Variants in KCNN3 observed in about 807,000 individuals in gnomAD.
The protein encoded by KCNN3 is small conductance calcium-activated potassium channel protein 3.
Under a neutral mutation model 62.9 loss-of-function variants are expected in KCNN3, and 16 were observed. The observed-to-expected ratio is 0.25, with a 90% CI of 0.17 to 0.39. KCNN3 has a LOEUF of 0.39. Among genes scored for constraint, KCNN3 ranks in the 10% least tolerant of loss-of-function variants. The pLI is 1.00. For synonymous variants in KCNN3, 370 were observed against 389.2 expected, an observed-to-expected ratio of 0.95 and a Z score of 0.58; for missense variants, 599 against 949.4, an observed-to-expected ratio of 0.63 and a Z score of 4.85.
In KCNN3 at chr1:154,728,187, G is replaced by T. The variant is rs565097589; in HGVS notation, c.1591-2161C>A. On this transcript the variant is annotated intron_variant, in intron 4 of 7. Transcript: ENST00000271915. ...CCACATTTTAGCTGGCTGATTGCAG[G>T]GGGGGCTTTTAATGAGAAGCTAGAG... Among the ~76,000 whole-genome samples, 4 of 152,272 alleles carry T rather than the reference G, an allele frequency of 2.6e-5. No homozygotes were observed. The East Asian group carries it at 7.7e-4, about 29-fold the overall frequency.
intron 3 of KCNN3, among the ~76,000 whole-genome samples, chr1:154,740,912 A>G (rs1700811051): frequency 6.6e-6 from 1 of 152,166 alleles, no homozygotes; most frequent in African/African-American, 2.4e-5. Flanking sequence ...TGTTGCAAAT[A>G]TCTTCTTCCA....
At chr1:154,783,687 T>G (rs77319913) in intron 2 of KCNN3, among the ~76,000 whole-genome samples, 5,040 of 152,236 alleles carry the variant, frequency 0.033, 121 homozygotes, top group Non-Finnish European at 0.053. Flanking sequence ...GATTGTGAGC[T>G]GTGGGACTGG....
At chr1:154,729,972 G>C (rs1001989423) in intron 4 of KCNN3, among the ~76,000 whole-genome samples, 38 of 152,348 alleles carry the variant, frequency 2.5e-4, no homozygotes, top group African/African-American at 7.9e-4. Context: ...TACAGAGAGA[G>C]TCCAGCTTTA....
intron 7 of KCNN3, among the ~76,000 whole-genome samples, chr1:154,711,004 G>A (rs1470198873): frequency 6.6e-6 from 1 of 152,050 alleles, no homozygotes; most frequent in Non-Finnish European, 1.5e-5. Flanking sequence ...TATATACCCA[G>A]AGGATTATAA....
intron 3 of KCNN3, among the ~76,000 whole-genome samples, chr1:154,758,245 G>A (rs1647825699): frequency 2.0e-5 from 3 of 152,222 alleles, no homozygotes; most frequent in South Asian, 2.1e-4. Context: ...AAGTACAAGT[G>A]CAAGGTTAAT....
chr1:154,796,333 TAGC>T (rs1649734734), intron 2 of KCNN3, among the ~76,000 whole-genome samples: 2 of 152,156 alleles, frequency 1.3e-5, no homozygotes, highest in South Asian at 4.1e-4. Context: ...CTGGTCTCCA[TAGC>T]TCTTTGTTAT....
At chr1:154,726,662 A>G (rs1025261359) in intron 4 of KCNN3, among the ~76,000 whole-genome samples, 1 of 152,242 alleles carries the variant, frequency 6.6e-6, no homozygotes, top group African/African-American at 2.4e-5. Flanking sequence ...GGTTTACGCT[A>G]TGACTCAGCA....
chr1:154,749,444 C>A (rs906362907), intron 3 of KCNN3, among the ~76,000 whole-genome samples: 3 of 152,194 alleles, frequency 2.0e-5, no homozygotes, highest in Non-Finnish European at 4.4e-5. Context: ...GTGGGAATCA[C>A]CCTGTGACCA....
intron 2 of KCNN3, among the ~76,000 whole-genome samples, chr1:154,791,928 T>C (rs1012689309): frequency 3.3e-5 from 5 of 152,212 alleles, no homozygotes; most frequent in African/African-American, 9.7e-5. Context: ...AACCCATCTA[T>C]AATACCCTGT....
chr1:154,860,827 G>A (rs1652740079), intron 1 of KCNN3, among the ~76,000 whole-genome samples: 2 of 152,196 alleles, frequency 1.3e-5, no homozygotes, highest in South Asian at 4.1e-4. Context: ...GAGACCCAGT[G>A]TGTGGCTGGC....
intron 1 of KCNN3, among the ~76,000 whole-genome samples, chr1:154,844,535 T>C (rs993882029): frequency 6.6e-5 from 10 of 152,192 alleles, no homozygotes; most frequent in Admixed American, 6.5e-4. Context: ...GGGCAGACGT[T>C]ATTATTGGGA....
At chr1:154,811,115 CA>C (rs1376095954) in intron 2 of KCNN3, among the ~76,000 whole-genome samples, 1 of 152,210 alleles carries the variant, frequency 6.6e-6, no homozygotes, top group Non-Finnish European at 1.5e-5. Flanking sequence ...ACACTATTAC[CA>C]CCTGTGGGAT....
intron 2 of KCNN3, among the ~76,000 whole-genome samples, chr1:154,791,495 A>C (rs2101863279): frequency 6.6e-6 from 1 of 152,262 alleles, no homozygotes; most frequent in East Asian, 1.9e-4. Flanking sequence ...AGAGTAAGCA[A>C]CCAGCCCAAG....
chr1:154,813,830 G>A (rs953998098), intron 2 of KCNN3, among the ~76,000 whole-genome samples: 27 of 152,182 alleles, frequency 1.8e-4, no homozygotes, highest in African/African-American at 6.3e-4. Flanking sequence ...CCACCCCATC[G>A]GAGACGCCAG....
At chr1:154,833,517 C>T (rs76456864) in intron 1 of KCNN3, among the ~76,000 whole-genome samples, 12,332 of 152,254 alleles carry the variant, frequency 0.081, 657 homozygotes, top group Middle Eastern at 0.12. Context: ...GAGTCCTCCA[C>T]CCAACACTCG....
At chr1:154,808,356 G>A (rs1376616782) in intron 2 of KCNN3, among the ~76,000 whole-genome samples, 2 of 151,884 alleles carry the variant, frequency 1.3e-5, no homozygotes, top group Non-Finnish European at 2.9e-5. Flanking sequence ...AGCTGCTGGA[G>A]CTGGTCCCTT....
At chr1:154,798,934 T>C (rs1236759649) in intron 2 of KCNN3, among the ~76,000 whole-genome samples, 1 of 101,944 alleles carries the variant, frequency 9.8e-6, no homozygotes, top group East Asian at 3.7e-4. Flanking sequence ...TTTTTTTTTT[T>C]TGAGACAGAG....
chr1:154,784,263 C>T (rs1199624488), intron 2 of KCNN3, among the ~76,000 whole-genome samples: 1 of 152,128 alleles, frequency 6.6e-6, no homozygotes, highest in African/African-American at 2.4e-5. Flanking sequence ...CAAATCATGT[C>T]ACCTCCCCTT....
intron 2 of KCNN3, among the ~76,000 whole-genome samples, chr1:154,805,476 A>G (rs1650132857): frequency 6.6e-6 from 1 of 152,156 alleles, no homozygotes; most frequent in Non-Finnish European, 1.5e-5. Flanking sequence ...TCTCAATCCA[A>G]ATGTGAGAAG....
Sources: gnomAD v4.1 joint callset for allele counts (sites outside exome capture counted in the v4.1 genomes callset) on GRCh38, gnomAD v4.1.1 for gene constraint, MANE v1.5 for transcripts, NCBI Gene and HGNC (gene_info 2026-07-23, HGNC 2026-07-21) for gene names.